Variants in KAZN observed in about 807,000 individuals in gnomAD.
KAZN encodes the protein kazrin.
In KAZN, 40 loss-of-function variants were observed where a neutral mutation model predicts 87.4. The ratio of observed to expected loss-of-function variants is 0.46; its 90% CI spans 0.36 to 0.60. The LOEUF is 0.60. Among genes scored for constraint, KAZN ranks in the 20% least tolerant of loss-of-function variants. KAZN has a pLI of 0.00. For synonymous variants in KAZN, 466 were observed against 458.3 expected (o/e 1.02, Z -0.22); for missense variants, 898 against 1,073.9 (o/e 0.84, Z 2.29).
chr1:13,905,568 G>A (rs577444002), intron 1 of KAZN, among the ~76,000 whole-genome samples: 13 of 152,238 alleles, frequency 8.5e-5, no homozygotes, highest in African/African-American at 1.2e-4. Flanking sequence ...CCCTGATGTC[G>A]AGCCCTCTAA....
intron 1 of KAZN, among the ~76,000 whole-genome samples, chr1:14,757,699 C>T (rs549071341): frequency 6.6e-6 from 1 of 152,206 alleles, no homozygotes; most frequent in South Asian, 2.1e-4. Flanking sequence ...CGCAGTAGTC[C>T]CCTGGCACTG....
rs1395401944 is a variant in KAZN, at chr1:14,689,204, CA to C, written c.226+89985del. ...AGTCAGACTCTGTCTCAAAACAAAA[CA>C]AAACAAAACAAAACAAAACAAAACA... On this transcript the variant is annotated intron_variant, in intron 1 of 14. Coordinates refer to ENST00000376030, the MANE Select transcript of KAZN (RefSeq NM_201628.3). 8.9e-5 allele frequency among the ~76,000 whole-genome samples: 11 copies of C among 123,056 alleles called. 1 individual carries two copies. In the East Asian group the frequency reaches 2.2e-3, roughly 25 times the overall value. The allele number at this position is 123,056 out of a possible 152,430, so 80.7% of individuals were successfully genotyped here.
intron 2 of KAZN, among the ~76,000 whole-genome samples, chr1:14,473,900 G>C (rs572253825): frequency 6.6e-6 from 1 of 152,280 alleles, no homozygotes; most frequent in East Asian, 1.9e-4. Context: ...CAGCTCAAAT[G>C]CTGGCACCTC....
intron 1 of KAZN, among the ~76,000 whole-genome samples, chr1:14,708,157 C>T (rs1306413069): frequency 2.0e-5 from 3 of 152,128 alleles, no homozygotes; most frequent in Non-Finnish European, 4.4e-5. Flanking sequence ...TGATTCACTC[C>T]GTTTGAAGCC....
chr1:14,751,673 G>A (rs907298748), intron 1 of KAZN, among the ~76,000 whole-genome samples: 2 of 152,160 alleles, frequency 1.3e-5, no homozygotes, highest in Admixed American at 6.5e-5. Context: ...TACAACTGGT[G>A]TTCAACCCTG....
intron 2 of KAZN, among the ~76,000 whole-genome samples, chr1:14,272,612 A>G (rs904385213): frequency 1.3e-5 from 2 of 152,186 alleles, no homozygotes; most frequent in Non-Finnish European, 2.9e-5. Context: ...TAATCCCAGC[A>G]CTTTGGGAGG....
intron 8 of KAZN, chr1:15,067,048 G>T: frequency 1.0e-6 from 1 of 985,676 alleles, no homozygotes; most frequent in Non-Finnish European, 1.2e-6. Context: ...CGACCAGTGG[G>T]ACCCTGGCCT....
intron 1 of KAZN, among the ~76,000 whole-genome samples, chr1:13,932,292 G>A (rs1219811311): frequency 2.3e-5 from 3 of 128,318 alleles, no homozygotes; most frequent in East Asian, 4.5e-4. Flanking sequence ...ACGGAGTCTC[G>A]CTCTGTCGCC....
chr1:14,355,051 G>T (rs1267222505), intron 2 of KAZN, among the ~76,000 whole-genome samples: 1 of 152,088 alleles, frequency 6.6e-6, no homozygotes, highest in African/African-American at 2.4e-5. Context: ...CCTGTAACAA[G>T]GATGAGTATC....
chr1:14,551,424 G>T (rs573023992), intron 2 of KAZN, among the ~76,000 whole-genome samples: 1 of 152,178 alleles, frequency 6.6e-6, no homozygotes, highest in African/African-American at 2.4e-5. Flanking sequence ...CTCTATTTAC[G>T]CAGCTAGGCT....
At chr1:15,030,825 GC>G (rs1302053724) in intron 2 of KAZN, among the ~76,000 whole-genome samples, 1 of 152,222 alleles carries the variant, frequency 6.6e-6, no homozygotes, top group African/African-American at 2.4e-5. Flanking sequence ...GCTCAGCCAA[GC>G]CAGGCAGGAG....
At chr1:14,391,431 T>C (rs1193865251) in intron 2 of KAZN, 1 of 152,360 alleles carries the variant, frequency 6.6e-6, no homozygotes, top group Non-Finnish European at 1.5e-5. Flanking sequence ...TGGGATATCT[T>C]AACCTTAACT....
intron 8 of KAZN, among the ~76,000 whole-genome samples, chr1:15,092,052 G>GTTTTTTTTTTTTT (rs1182724737): frequency 2.4e-5 from 2 of 82,652 alleles, no homozygotes; most frequent in African/African-American, 1.1e-4. Context: ...CAGAGGTTTT[G>GTTTTTTTTTTTTT]TTTTTTTGTT....
At chr1:14,788,540 C>T (rs1645579149) in intron 1 of KAZN, among the ~76,000 whole-genome samples, 1 of 152,070 alleles carries the variant, frequency 6.6e-6, no homozygotes, top group Non-Finnish European at 1.5e-5. Flanking sequence ...TTTCTCCTAC[C>T]TCAGGCTTTT....
At chr1:13,907,829 AC>A (rs1042194024) in intron 1 of KAZN, among the ~76,000 whole-genome samples, 5 of 152,180 alleles carry the variant, frequency 3.3e-5, no homozygotes, top group African/African-American at 1.2e-4. Flanking sequence ...TCCCACCGCA[AC>A]ATTTTTTTTG....
At chr1:14,059,585 A>G (rs575212936) in intron 1 of KAZN, among the ~76,000 whole-genome samples, 25 of 152,332 alleles carry the variant, frequency 1.6e-4, no homozygotes, top group Admixed American at 1.0e-3. Context: ...TCAAAAGTCA[A>G]TCTCCTCTGG....
chr1:14,951,034 C>T (rs11584121), intron 1 of KAZN, among the ~76,000 whole-genome samples: 1 of 152,136 alleles, frequency 6.6e-6, no homozygotes, highest in Non-Finnish European at 1.5e-5. Context: ...GGGACATCCC[C>T]TAGGGTTTTT....
chr1:14,428,882 G>A (rs1665890981), intron 2 of KAZN, among the ~76,000 whole-genome samples: 1 of 151,996 alleles, frequency 6.6e-6, no homozygotes, highest in Non-Finnish European at 1.5e-5. Context: ...AGATATGGGT[G>A]GGGACACAGC....
chr1:14,235,080 T>G (rs931889646), intron 2 of KAZN, among the ~76,000 whole-genome samples: 11 of 152,346 alleles, frequency 7.2e-5, no homozygotes, highest in African/African-American at 2.6e-4. Flanking sequence ...TGAAAACTTA[T>G]GCACAGATGC....
Sources: gnomAD v4.1 joint callset for allele counts (sites outside exome capture counted in the v4.1 genomes callset) on GRCh38, gnomAD v4.1.1 for gene constraint, MANE v1.5 for transcripts, NCBI Gene and HGNC (gene_info 2026-07-23, HGNC 2026-07-21) for gene names.